The following ACP6 variants were observed in gnomAD, a reference collection of about 807,000 sequenced individuals.
The protein encoded by ACP6 is acid phosphatase 6, lysophosphatidic.
ACP6 carries 48 observed loss-of-function variants against 48.1 expected under a neutral mutation model. The ratio of observed to expected loss-of-function variants is 1.00; its 90% CI spans 0.79 to 1.27. The LOEUF (loss-of-function observed/expected upper bound fraction) is 1.27. Among genes scored for constraint, ACP6 ranks in the 50% most tolerant of loss-of-function variants. The pLI is 0.00. For missense variants in ACP6, 485 were observed against 529.1 expected (o/e 0.92, Z 0.82); for synonymous variants, 172 against 204.2 (o/e 0.84, Z 1.34).
chr1:147,642,756 A>G lies in ACP6; in HGVS notation c.*4667T>C, dbSNP rs140835704. The G allele has an allele frequency of 6.6e-6, 1 of 152,354 alleles. No individual in the cohort carries two copies. The highest frequency in any genetic ancestry group is 1.5e-5 in the Non-Finnish European group (1 of 68,046). The allele number at this position is 152,354 out of a possible 1,614,324, so 9.4% of individuals were successfully genotyped here. ...AGTGAACAAGAGGAAATCTGCCTTC[A>G]TGGAGCTTCCATTTTAGTCAGGGAA... On this transcript the variant is annotated 3_prime_UTR_variant, in exon 10 of 10. Coordinates refer to ENST00000583509, the MANE Select transcript of ACP6 (RefSeq NM_016361.5).
chr1:147,660,633 A>G (rs1219172289), intron 1 of ACP6, among the ~76,000 whole-genome samples: 3 of 152,304 alleles, frequency 2.0e-5, no homozygotes, highest in African/African-American at 7.2e-5. Context: ...ATCTTATTGT[A>G]GAATGTAAAC....
At chr1:147,636,139 CCTAAGCATG>C (rs1271227655) in intron 5 of ACP6, among the ~76,000 whole-genome samples, 9 of 152,014 alleles carry the variant, frequency 5.9e-5, no homozygotes, top group Non-Finnish European at 1.3e-4. Context: ...GACAGAGAAA[CCTAAGCATG>C]TGGGGGAAAG....
chr1:147,655,155 A>G lies in ACP6; in HGVS notation c.647+6T>C, dbSNP rs781979495. ...AACTGGTGAGCAAGAACCCAGGGGC[A>G]GTTACCTGGTTCTCTGCCTCAGGCT... On this transcript the variant is annotated splice_donor_region_variant and intron_variant, in intron 5 of 9. Transcript: ENST00000583509. The G allele has an allele frequency of 5.0e-6, 8 of 1,597,490 alleles. No homozygotes were observed. In the African/African-American group the frequency reaches 6.7e-5, roughly 13 times the overall value.
chr1:147,632,217 A>ACACACACC (rs1659187883), intron 5 of ACP6, among the ~76,000 whole-genome samples: 1 of 151,640 alleles, frequency 6.6e-6, no homozygotes, highest in Admixed American at 6.6e-5. Flanking sequence ...ACACACACAC[A>ACACACACC]CACACACCAT....
At chr1:147,665,370 G>A (rs1660745802) in intron 1 of ACP6, among the ~76,000 whole-genome samples, 1 of 152,216 alleles carries the variant, frequency 6.6e-6, no homozygotes. Context: ...GACTTGGCAA[G>A]TGAGTAAATA....
Position 147,659,671 on chromosome 1 carries a change from A to AACAT in ACP6, c.323_324insATGT (p.Gln109CysfsTer5). 6.2e-7 allele frequency: 1 copy of AACAT among 1,614,188 alleles called. No individual in the cohort carries two copies. Among genetic ancestry groups the AACAT allele is most frequent in the South Asian group, 1.1e-5 (1 of 91,086 alleles). On this transcript the variant is annotated frameshift_variant, in exon 2 of 10. Coordinates refer to ENST00000583509, the MANE Select transcript of ACP6 (RefSeq NM_016361.5). LOFTEE classifies it high-confidence loss of function. Reference sequence around the variant, plus strand: ...CCTTCAGGGTGGTCTCATGGTATTGAGAGTCGTAAGGAGAATATGGTTTCG... The same window carrying AACAT: ...CCTTCAGGGTGGTCTCATGGTATTGAACATGAGTCGTAAGGAGAATATGGTTTCG...
Position 147,670,170 on chromosome 1 carries a change from G to A in ACP6, c.-122C>T. On this transcript the variant is annotated 5_prime_UTR_variant, in exon 1 of 10. Transcript: ENST00000583509. ...GGGAACCTGCGGATGCGTACATCCA[G>A]CCCTTCAGCAAGCAGGGACCGCTGT... The A allele has an allele frequency of 1.1e-6, 1 of 929,454 alleles. No homozygotes were observed. Among genetic ancestry groups the A allele is most frequent in the Non-Finnish European group, 1.6e-6 (1 of 640,882 alleles). The allele number at this position is 929,454 out of a possible 1,614,324, so 57.6% of individuals were successfully genotyped here.
chr1:147,659,448 A>T lies in ACP6; in HGVS notation c.427T>A (p.Tyr143Asn). Reference protein sequence around the residue: ...FALGERLRKNYVEDIPFLSPT... With the variant: ...FALGERLRKNNVEDIPFLSPT... ...GAAAGAAAGGGAATGTCTTCCACAT[A>T]GTTCTTCCTCAGTCTCTCTCCCAAG... is the stretch of plus-strand genomic sequence containing the variant. The change falls in exon 3 of 10, where the codon TAT becomes AAT. Residue 143 changes from tyrosine (Y) to asparagine (N), a missense_variant. Physicochemically the swap from Tyr to Asn is moderately radical, Grantham distance 143 (BLOSUM62 -2). Coordinates refer to ENST00000583509, the MANE Select transcript of ACP6 (RefSeq NM_016361.5). The T allele has an allele frequency of 6.2e-7, 1 of 1,614,250 alleles. No individual in the cohort carries two copies. The highest frequency in any genetic ancestry group is 1.1e-5 in the South Asian group (1 of 91,086).
intron 4 of ACP6, among the ~76,000 whole-genome samples, chr1:147,655,931 G>GCCT (rs1553211540): frequency 1.3e-5 from 2 of 152,074 alleles, no homozygotes; most frequent in East Asian, 3.9e-4. Context: ...TTTGCTCTGT[G>GCCT]TCAGAGATGG....
intron 7 of ACP6, chr1:147,650,527 C>T (rs587776084): frequency 1.0e-5 from 3 of 300,376 alleles, no homozygotes; most frequent in South Asian, 1.2e-4. Context: ...CTGGATAAGC[C>T]GTGACCAACT....
chr1:147,663,011 C>T (rs1660623555), intron 1 of ACP6, among the ~76,000 whole-genome samples: 2 of 152,186 alleles, frequency 1.3e-5, no homozygotes, highest in Admixed American at 1.3e-4. Context: ...ACTGAAGGCT[C>T]AGGTAATCAC....
At chr1:147,662,451 A>T (rs1660593528) in intron 1 of ACP6, among the ~76,000 whole-genome samples, 1 of 152,228 alleles carries the variant, frequency 6.6e-6, no homozygotes, top group Non-Finnish European at 1.5e-5. Context: ...AGGTCAAAAT[A>T]GCAACATTAA....
Position 147,647,305 on chromosome 1 carries a change from T to G in ACP6, c.*118A>C, listed in dbSNP as rs1407357674. 1.4e-5 allele frequency: 17 copies of G among 1,200,206 alleles called. No homozygotes were observed. The highest frequency in any genetic ancestry group is 1.8e-5 in the Non-Finnish European group (15 of 856,438). 74.3% of individuals were successfully genotyped at this position (1,200,206 alleles called of 1,614,324 possible). ...TAAACCCACAGAAAGGAAATATCCT[T>G]ACATTATATTAAAGTACATTACCCC... On this transcript the variant is annotated 3_prime_UTR_variant, in exon 10 of 10. Coordinates refer to ENST00000583509, the MANE Select transcript of ACP6 (RefSeq NM_016361.5).
intron 7 of ACP6, 166 bp downstream of exon 7, chr1:147,652,283 G>A (rs964256020): frequency 6.5e-6 from 4 of 611,780 alleles, no homozygotes; most frequent in African/African-American, 5.6e-5. Flanking sequence ...AGCTGTAGAA[G>A]TGCGAGGACC....
chr1:147,641,048 G>A (rs1553208576), downstream of ACP6, among the ~76,000 whole-genome samples: 1 of 152,168 alleles, frequency 6.6e-6, no homozygotes, highest in Non-Finnish European at 1.5e-5. Flanking sequence ...GCCGAAGAAT[G>A]ATCCCTTCCT....
At chr1:147,649,323 G>A (rs782624040) in intron 8 of ACP6, among the ~76,000 whole-genome samples, 2 of 152,156 alleles carry the variant, frequency 1.3e-5, no homozygotes, top group Non-Finnish European at 2.9e-5. Context: ...CTTGGGCAAC[G>A]GTGAAGCTGT....
intron 1 of ACP6, among the ~76,000 whole-genome samples, chr1:147,660,340 G>A (rs1660484514): frequency 6.6e-6 from 1 of 152,144 alleles, no homozygotes; most frequent in Non-Finnish European, 1.5e-5. Flanking sequence ...CAACTGTGCT[G>A]TAATGATTTC....
rs587613751 is a variant in ACP6, at chr1:147,649,539, G to A, written c.977+604C>T. On this transcript the variant is annotated intron_variant, in intron 8 of 9. Coordinates refer to ENST00000583509, the MANE Select transcript of ACP6 (RefSeq NM_016361.5). ...GGCTAACTGCAACCTCCGCCTCCTGGGTTCAAGCAACTCTCCTGACTCAAC... is the reference window on the plus strand; with the variant it reads ...GGCTAACTGCAACCTCCGCCTCCTGAGTTCAAGCAACTCTCCTGACTCAAC... Among the ~76,000 whole-genome samples the A allele has an allele frequency of 4.6e-5, 7 of 152,040 alleles. No homozygotes were observed. The East Asian group carries it at 1.4e-3, about 29-fold the overall frequency.
In ACP6 at chr1:147,669,786, C is replaced by T. The variant is rs782778299; in HGVS notation, c.219+44G>A. On this transcript the variant is annotated intron_variant, in intron 1 of 9. Transcript: ENST00000583509. The stretch of plus-strand genomic sequence containing the variant: ...TCAGGGCGAGACTCCTGGCCTGGCA[C>T]ACGGTCCTCGCCCCACCAGCCCCAG... 13 of 1,512,800 alleles carry T rather than the reference C, an allele frequency of 8.6e-6. No homozygotes were observed. The East Asian group carries it at 3.2e-4, about 37-fold the overall frequency. 93.7% of individuals were successfully genotyped at this position (1,512,800 alleles called of 1,614,324 possible). A position where few individuals can be genotyped will look rare whatever the true frequency, so the allele number is the denominator to read the frequency against.
Sources: allele counts gnomAD v4.1 joint callset (sites outside exome capture counted in the v4.1 genomes callset), GRCh38; gene constraint gnomAD v4.1.1; transcripts MANE v1.5; gene names NCBI Gene and HGNC (gene_info 2026-07-23, HGNC 2026-07-21).